The following ICE1 variants were observed in gnomAD, a reference collection of about 807,000 sequenced individuals.
The protein encoded by ICE1 is interactor of little elongation complex ELL subunit 1, also known as little elongation complex subunit 1.
In ICE1, 64 loss-of-function variants were observed where a neutral mutation model predicts 192.7. That is an observed-to-expected ratio of 0.33 (90% CI 0.27 to 0.41). ICE1 has a LOEUF of 0.41. Among genes scored for constraint, ICE1 ranks in the 10% least tolerant of loss-of-function variants. The probability of loss-of-function intolerance (pLI) is 1.00; values close to 1 mark genes in which losing one functional copy is unlikely to be tolerated. For synonymous variants in ICE1, 1,010 were observed against 984.5 expected (o/e 1.03, Z -0.49); for missense variants, 2,708 against 2,696.0 (o/e 1.00, Z -0.10).
chr5:5,479,868 C>G (rs1446418388), intron 17 of ICE1, among the ~76,000 whole-genome samples: 2 of 152,062 alleles, frequency 1.3e-5, no homozygotes, highest in East Asian at 3.9e-4. Flanking sequence ...CATGTTCTCA[C>G]TCATAAGTGG....
chr5:5,448,204 C>G (rs1345259705), intron 10 of ICE1, among the ~76,000 whole-genome samples: 2 of 151,976 alleles, frequency 1.3e-5, no homozygotes, highest in Non-Finnish European at 2.9e-5. Flanking sequence ...TATAATTTAT[C>G]AAATTAATTT....
At chr5:5,426,465 G>T (rs1016754145) in intron 1 of ICE1, among the ~76,000 whole-genome samples, 7 of 146,150 alleles carry the variant, frequency 4.8e-5, no homozygotes, top group Non-Finnish European at 7.4e-5. Flanking sequence ...AAAAAAAAAA[G>T]CTTATTTGAC....
chr5:5,471,526 T>C (rs1462554224), intron 15 of ICE1, among the ~76,000 whole-genome samples: 1 of 152,088 alleles, frequency 6.6e-6, no homozygotes, highest in Non-Finnish European at 1.5e-5. Context: ...GTGAGTCACT[T>C]AGATGTAAAA....
chr5:5,475,192 A>G (rs2619827), intron 16 of ICE1, among the ~76,000 whole-genome samples: 104,656 of 151,928 alleles, frequency 0.69, 36,301 homozygotes, highest in Admixed American at 0.79. Context: ...TGCACTCGTG[A>G]TGAAGACATC....
chr5:5,478,019 T>C (rs1739368903), intron 17 of ICE1, among the ~76,000 whole-genome samples: 1 of 152,216 alleles, frequency 6.6e-6, no homozygotes. Context: ...GCCAGTATCA[T>C]ACTGAATGGG....
At chr5:5,438,213 A>T (rs1737933515) in intron 3 of ICE1, among the ~76,000 whole-genome samples, 1 of 152,138 alleles carries the variant, frequency 6.6e-6, no homozygotes, top group Admixed American at 6.5e-5. Flanking sequence ...TCTCGTGGGA[A>T]CTCACTCATT....
In ICE1 at chr5:5,447,377, T is replaced by C. The variant is rs999044806; in HGVS notation, c.425-50T>C. On this transcript the variant is annotated intron_variant, in intron 7 of 18. Transcript: ENST00000296564. The stretch of plus-strand genomic sequence containing the variant: ...TTGAGTATTTCATTAACCACAGTAG[T>C]AAAGTTAGTAAATTATTTTTCTCTC... The C allele has an allele frequency of 5.3e-6, 6 of 1,125,010 alleles. No individual in the cohort carries two copies. In the African/African-American group the frequency reaches 9.4e-5, roughly 18 times the overall value. 69.7% of individuals were successfully genotyped at this position (1,125,010 alleles called of 1,614,324 possible). A position where few individuals can be genotyped will look rare whatever the true frequency, so the allele number is the denominator to read the frequency against.
At position 5,422,838 on chromosome 5, in the gene ICE1, G is replaced by A. The variant is rs1039493931; in HGVS notation, c.-78G>A. On this transcript the variant is annotated 5_prime_UTR_variant, in exon 1 of 19. Transcript: ENST00000296564. ...CGGCCTGGCAGGCGGCGGCCCCGGCGGCATCAGCAGAGACAGGACGGGGCC... is the reference window on the plus strand; with the variant it reads ...CGGCCTGGCAGGCGGCGGCCCCGGCAGCATCAGCAGAGACAGGACGGGGCC... The A allele has an allele frequency of 1.0e-5, 11 of 1,084,712 alleles. No individual in the cohort carries two copies. In the African/African-American group the frequency reaches 1.2e-4, roughly 11 times the overall value. The allele number at this position is 1,084,712 out of a possible 1,614,324, so 67.2% of individuals were successfully genotyped here.
At position 5,460,988 on chromosome 5, in the gene ICE1, T is replaced by G; in HGVS notation, c.1654T>G (p.Leu552Val). The change falls in exon 13 of 19, where the codon TTG (leucine) becomes GTG (valine). Residue 552 changes from leucine (L) to valine (V), a missense_variant. Physicochemically the swap from Leu to Val is conservative, Grantham distance 32. Coordinates refer to ENST00000296564, the MANE Select transcript of ICE1 (RefSeq NM_015325.3). ...CATGGAATCTGAAGGAAAAACCGTATTGTCTAAAATGATGGGATCGCCCAA... is the reference window on the plus strand; with the variant it reads ...CATGGAATCTGAAGGAAAAACCGTAGTGTCTAAAATGATGGGATCGCCCAA... Reference protein sequence around the residue: ...ELMESEGKTVLSKMMGSPKSE... With the variant: ...ELMESEGKTVVSKMMGSPKSE... The G allele has an allele frequency of 6.2e-7, 1 of 1,614,020 alleles. No homozygotes were observed. The highest frequency in any genetic ancestry group is 1.1e-5 in the South Asian group (1 of 91,084).
intron 13 of ICE1, 47 bp from the exon 14 acceptor site, chr5:5,466,287 G>A: frequency 6.7e-7 from 1 of 1,484,846 alleles, no homozygotes; most frequent in Middle Eastern, 2.0e-4. Context: ...GTAGGCTGAA[G>A]ATAAGTATGA....
chr5:5,473,810 G>A, intron 16 of ICE1, 62 bp downstream of exon 16: 1 of 1,205,810 alleles, frequency 8.3e-7, no homozygotes, highest in South Asian at 1.6e-5. Context: ...GTTGAACACT[G>A]AATTGTGGCT....
intron 12 of ICE1, among the ~76,000 whole-genome samples, chr5:5,458,950 G>A (rs1487253321): frequency 6.6e-6 from 1 of 152,042 alleles, no homozygotes; most frequent in Non-Finnish European, 1.5e-5. Flanking sequence ...TCGGCTCACT[G>A]CAAGCTCCAC....
chr5:5,470,875 A>G (rs1475605650), intron 15 of ICE1, among the ~76,000 whole-genome samples: 1 of 152,238 alleles, frequency 6.6e-6, no homozygotes, highest in Admixed American at 6.5e-5. Context: ...AAAGTCAATG[A>G]AAAGGTAAAC....
At position 5,423,011 on chromosome 5, in the gene ICE1, C is replaced by A; in HGVS notation, c.84+12C>A. On this transcript the variant is annotated intron_variant, in intron 1 of 18. Coordinates refer to ENST00000296564, the MANE Select transcript of ICE1 (RefSeq NM_015325.3). Reference sequence around the variant, plus strand: ...CCTCTCTGCAGCAGGTGCAGCACCTCCCGGGGCCCCGGGCGCGGGGGGGGA... The same window carrying A: ...CCTCTCTGCAGCAGGTGCAGCACCTACCGGGGCCCCGGGCGCGGGGGGGGA... The A allele has an allele frequency of 7.3e-7, 1 of 1,371,060 alleles. No homozygotes were observed. Among genetic ancestry groups the A allele is most frequent in the Non-Finnish European group, 9.4e-7 (1 of 1,058,556 alleles). 84.9% of individuals were successfully genotyped at this position (1,371,060 alleles called of 1,614,324 possible). A position where few individuals can be genotyped will look rare whatever the true frequency, so the allele number is the denominator to read the frequency against.
chr5:5,473,949 G>A (rs974188488), intron 16 of ICE1, among the ~76,000 whole-genome samples: 2 of 152,044 alleles, frequency 1.3e-5, no homozygotes, highest in African/African-American at 4.8e-5. Context: ...GGTGGCTCAC[G>A]CCTGTAATCC....
chr5:5,447,832 T>C lies in ICE1; in HGVS notation c.548-9T>C, dbSNP rs1355795412. 2.5e-6 allele frequency: 4 copies of C among 1,576,678 alleles called. No homozygotes were observed. The highest frequency in any genetic ancestry group is 3.5e-6 in the Non-Finnish European group (4 of 1,158,748). The stretch of plus-strand genomic sequence containing the variant: ...TATTTTATTAACCGTTTTTTCCCCA[T>C]GCTTTTAGAGTTGAGACATATTGGA... On this transcript the variant is annotated splice_polypyrimidine_tract_variant and intron_variant, in intron 9 of 18. Transcript: ENST00000296564.
chr5:5,455,800 A>G (rs368972973), intron 11 of ICE1, among the ~76,000 whole-genome samples: 2 of 152,164 alleles, frequency 1.3e-5, no homozygotes, highest in Non-Finnish European at 2.9e-5. Context: ...TCAGTTACCA[A>G]TGGTCAAAAC....
At chr5:5,484,367 G>C (rs1262112304) in intron 17 of ICE1, among the ~76,000 whole-genome samples, 2 of 152,208 alleles carry the variant, frequency 1.3e-5, no homozygotes, top group Non-Finnish European at 2.9e-5. Flanking sequence ...CCATGATTGA[G>C]TAATACCATA....
chr5:5,464,113 T>C lies in ICE1; in HGVS notation c.4779T>C (p.Asn1593=). The C allele has an allele frequency of 2.5e-6, 4 of 1,613,446 alleles. No individual in the cohort carries two copies. The highest frequency in any genetic ancestry group is 3.4e-6 in the Non-Finnish European group (4 of 1,179,864). ...AGTCATTTTCAGGGGAAAAAGCTAATACAAAAACTCAAAGAAGCCAAACTC... is the reference window on the plus strand; with the variant it reads ...AGTCATTTTCAGGGGAAAAAGCTAACACAAAAACTCAAAGAAGCCAAACTC... ...VAQSFSGEKA[N]TKTQRSQTQT... Residue 1593 remains asparagine (N), a synonymous_variant, in exon 13 of 19, where the codon AAT becomes AAC. Transcript: ENST00000296564. This position sits in a 1 kb window ranked among gnomAD's most constrained non-coding sequence, Gnocchi z 4.0.
Sources: gnomAD v4.1 joint callset for allele counts (sites outside exome capture counted in the v4.1 genomes callset) on GRCh38, gnomAD v4.1.1 for gene constraint, Gnocchi (gnomAD v3.1) non-coding constraint, MANE v1.5 for transcripts, NCBI Gene and HGNC (gene_info 2026-07-23, HGNC 2026-07-21) for gene names.